TAMALIN: variants seen among roughly 807,000 people sequenced by gnomAD.
TAMALIN encodes the protein trafficking regulator and scaffold protein tamalin.
In TAMALIN, 9 loss-of-function variants were observed where a neutral mutation model predicts 38.5. The ratio of observed to expected loss-of-function variants is 0.23; its 90% CI spans 0.14 to 0.41. The LOEUF is 0.41. Among genes scored for constraint, TAMALIN ranks in the 10% least tolerant of loss-of-function variants. The pLI, the probability that TAMALIN is intolerant of heterozygous loss-of-function variation, is 1.00. For missense variants in TAMALIN, 548 were observed against 554.1 expected, an observed-to-expected ratio of 0.99 and a Z score of 0.11; for synonymous variants, 306 against 256.5, an observed-to-expected ratio of 1.19 and a Z score of -1.85.
At position 52,007,129 on chromosome 12, in the gene TAMALIN, C is replaced by A. The variant is rs1278575548; in HGVS notation, c.110C>A (p.Pro37Gln). 2 of 1,487,026 alleles carry A rather than the reference C, an allele frequency of 1.3e-6. No individual in the cohort carries two copies. Among genetic ancestry groups the A allele is most frequent in the Non-Finnish European group, 1.8e-6 (2 of 1,126,796 alleles). 92.1% of individuals were successfully genotyped at this position (1,487,026 alleles called of 1,614,324 possible). ...GAAGTCGCGCCCGCCGCTCCGGTCC[C>A]GACCCCGGGACCCCCTGCCGCAGCC... ...DSEVAPAAPV[P>Q]TPGPPAAAAT... Residue 37 changes from proline to glutamine, a missense_variant, in exon 1 of 8, where the codon CCG (proline) becomes CAG (glutamine). Physicochemically the swap from Pro to Gln is moderately conservative, Grantham distance 76. Coordinates refer to ENST00000293662, the MANE Select transcript of TAMALIN (RefSeq NM_181711.4). The surrounding 1 kb of genome is among the most constrained non-coding windows in gnomAD (Gnocchi z 6.7).
chr12:52,009,656 T>C (rs918468073), intron 2 of TAMALIN, among the ~76,000 whole-genome samples: 1 of 152,224 alleles, frequency 6.6e-6, no homozygotes, highest in East Asian at 1.9e-4. Flanking sequence ...TGGGGCTGGC[T>C]GCCCCTGCCT....
chr12:52,013,163 C>T (rs1287848759), intron 4 of TAMALIN, among the ~76,000 whole-genome samples: 1 of 149,444 alleles, frequency 6.7e-6, no homozygotes, highest in Non-Finnish European at 1.5e-5. Context: ...CTGCAAGCTC[C>T]GCCTCCCGGG....
rs1284364082 is a variant in TAMALIN at position 52,011,591 on chromosome 12, T to TA, written c.454+456dup. Among the ~76,000 whole-genome samples, 1 of 105,098 alleles carries TA rather than the reference T, an allele frequency of 9.5e-6. No homozygotes were observed. Among genetic ancestry groups the TA allele is most frequent in the Admixed American group, 1.2e-4 (1 of 8,680 alleles). The allele number at this position is 105,098 out of a possible 152,430, so 68.9% of individuals were successfully genotyped here. ...CTGAGGAACCGATGTTACTCCCTTT[T>TA]AAAAAATTAGAAACTTTTTTTTTTT... is the stretch of plus-strand genomic sequence containing the variant. On this transcript the variant is annotated intron_variant, in intron 4 of 7. Transcript: ENST00000293662. This position sits in a 1 kb window ranked among gnomAD's most constrained non-coding sequence, Gnocchi z 5.3.
In TAMALIN at chr12:52,006,987, C is replaced by A. The variant is rs753591758; in HGVS notation, c.-33C>A. The A allele has an allele frequency of 7.7e-5, 104 of 1,342,994 alleles. 1 individual carries two copies. The Middle Eastern group carries it at 8.3e-4, about 11-fold the overall frequency. The allele number at this position is 1,342,994 out of a possible 1,614,324, so 83.2% of individuals were successfully genotyped here. A position where few individuals can be genotyped will look rare whatever the true frequency, so the allele number is the denominator to read the frequency against. On this transcript the variant is annotated 5_prime_UTR_variant, in exon 1 of 8. Coordinates refer to ENST00000293662, the MANE Select transcript of TAMALIN (RefSeq NM_181711.4). The stretch of plus-strand genomic sequence containing the variant: ...CGCCAGCCCCGCCGAGGGGAGCCAG[C>A]GCCGTCTCTGAGGGGCGTCCGGCGC...
chr12:52,012,837 TC>T (rs755196976), intron 4 of TAMALIN, among the ~76,000 whole-genome samples: 37 of 152,216 alleles, frequency 2.4e-4, no homozygotes, highest in Admixed American at 1.1e-3. Context: ...AGCAGAACTA[TC>T]CCTCTGGGGG....
In TAMALIN at chr12:52,011,387, G is replaced by C. The variant is rs1431488572; in HGVS notation, c.454+246G>C. ...GCATCCAAACATCACAGTGCGGCAA[G>C]GGGATTCCCTGGGCACACTGCCAGG... On this transcript the variant is annotated intron_variant, in intron 4 of 7. Transcript: ENST00000293662. The surrounding 1 kb of genome is among the most constrained non-coding windows in gnomAD (Gnocchi z 5.3). 1 of 631,774 alleles carries C rather than the reference G, an allele frequency of 1.6e-6. No homozygotes were observed. The highest frequency in any genetic ancestry group is 2.8e-6 in the Non-Finnish European group (1 of 359,982). 39.1% of individuals were successfully genotyped at this position (631,774 alleles called of 1,614,324 possible).
In TAMALIN at chr12:52,015,130, C is replaced by T. The variant is rs1237822947; in HGVS notation, c.1119C>T (p.Phe373=). Reference sequence around the variant, plus strand: ...TGCGCAAAACCAAGTACCGCAGCTTCCGCCGGCGGCTGCTCAAGTTCATCC... The same window carrying T: ...TGCGCAAAACCAAGTACCGCAGCTTTCGCCGGCGGCTGCTCAAGTTCATCC... ...PGLRKTKYRS[F]RRRLLKFIPG... The change falls in exon 8 of 8, where the codon TTC becomes TTT. Residue 373 remains phenylalanine (F), a synonymous_variant. Coordinates refer to ENST00000293662, the MANE Select transcript of TAMALIN (RefSeq NM_181711.4). 2 of 1,590,640 alleles carry T rather than the reference C, an allele frequency of 1.3e-6. No individual in the cohort carries two copies. Among genetic ancestry groups the T allele is most frequent in the South Asian group, 1.1e-5 (1 of 89,914 alleles).
chr12:52,012,657 G>A (rs1275760629), intron 4 of TAMALIN, among the ~76,000 whole-genome samples: 2 of 152,222 alleles, frequency 1.3e-5, no homozygotes, highest in Non-Finnish European at 2.9e-5. Flanking sequence ...GGTAGCAGTA[G>A]CCAAGTGGTA....
At position 52,007,574 on chromosome 12, in the gene TAMALIN, CCT is replaced by C; in HGVS notation, c.246+311_246+312del. Reference sequence around the variant, plus strand: ...CTGGCTTTCTGCCCCCCATGCCCCGCCTCCCCGTGGCCAGGTGTCCTGGGTCC... The same window carrying C: ...CTGGCTTTCTGCCCCCCATGCCCCGCCCCCGTGGCCAGGTGTCCTGGGTCC... On this transcript the variant is annotated intron_variant, in intron 1 of 7. Coordinates refer to ENST00000293662, the MANE Select transcript of TAMALIN (RefSeq NM_181711.4). This position sits in a 1 kb window ranked among gnomAD's most constrained non-coding sequence, Gnocchi z 6.7. 1 of 983,824 alleles carries C rather than the reference CCT, an allele frequency of 1.0e-6. No homozygotes were observed. Among genetic ancestry groups the C allele is most frequent in the Non-Finnish European group, 1.2e-6 (1 of 828,512 alleles). 60.9% of individuals were successfully genotyped at this position (983,824 alleles called of 1,614,324 possible). A position where few individuals can be genotyped will look rare whatever the true frequency, so the allele number is the denominator to read the frequency against.
intron 7 of TAMALIN, 56 bp from the exon 8 acceptor site, chr12:52,014,638 A>G (rs1283166): frequency 0.56 from 743,974 of 1,333,550 alleles, 212,960 homozygotes; most frequent in African/African-American, 0.69. Flanking sequence ...GACCCTTTGC[A>G]GAGGCCACCA....
chr12:52,014,128 C>T lies in TAMALIN; in HGVS notation c.616-7C>T, dbSNP rs1363880796. The T allele has an allele frequency of 6.2e-7, 1 of 1,603,544 alleles. No individual in the cohort carries two copies. Among genetic ancestry groups the T allele is most frequent in the Non-Finnish European group, 8.5e-7 (1 of 1,174,688 alleles). On this transcript the variant is annotated splice_polypyrimidine_tract_variant and splice_region_variant and intron_variant, in intron 6 of 7. Coordinates refer to ENST00000293662, the MANE Select transcript of TAMALIN (RefSeq NM_181711.4). ...TGTGACAGTGGGGTGGGGACTGTCT[C>T]TTGCAGCAAACCCTGTATGAGAAGT...
In TAMALIN at chr12:52,007,475, C is replaced by T. The variant is rs1297012459; in HGVS notation, c.246+210C>T. 1.6e-5 allele frequency: 16 copies of T among 984,974 alleles called. No homozygotes were observed. The highest frequency in any genetic ancestry group is 1.8e-5 in the Non-Finnish European group (15 of 829,732). 61.0% of individuals were successfully genotyped at this position (984,974 alleles called of 1,614,324 possible). A position where few individuals can be genotyped will look rare whatever the true frequency, so the allele number is the denominator to read the frequency against. On this transcript the variant is annotated intron_variant, in intron 1 of 7. Transcript: ENST00000293662. This position sits in a 1 kb window ranked among gnomAD's most constrained non-coding sequence, Gnocchi z 6.7. ...CGCGCCCAGGCTCGGTGGCTCTTAACTCCGCGCCCCATGCACGCCCCCTCT... is the reference window on the plus strand; with the variant it reads ...CGCGCCCAGGCTCGGTGGCTCTTAATTCCGCGCCCCATGCACGCCCCCTCT...
chr12:52,007,511 G>A lies in TAMALIN; in HGVS notation c.246+246G>A, dbSNP rs1942433654. 8 of 983,594 alleles carry A rather than the reference G, an allele frequency of 8.1e-6. No individual in the cohort carries two copies. The highest frequency in any genetic ancestry group is 9.7e-6 in the Non-Finnish European group (8 of 828,888). The allele number at this position is 983,594 out of a possible 1,614,324, so 60.9% of individuals were successfully genotyped here. On this transcript the variant is annotated intron_variant, in intron 1 of 7. Transcript: ENST00000293662. The surrounding 1 kb of genome is among the most constrained non-coding windows in gnomAD (Gnocchi z 6.7). ...ATGCACGCCCCCTCTCTCCCTCCTTGACTCCTCCCAGCACCCCCCTTCTCC... is the reference window on the plus strand; with the variant it reads ...ATGCACGCCCCCTCTCTCCCTCCTTAACTCCTCCCAGCACCCCCCTTCTCC...
Position 52,015,118 on chromosome 12 carries a change from G to T in TAMALIN, c.1107G>T (p.Lys369Asn). ...ALCGPGLRKT[K>N]YRSFRRRLLK... The stretch of plus-strand genomic sequence containing the variant: ...GCGGCCCCGGCCTGCGCAAAACCAA[G>T]TACCGCAGCTTCCGCCGGCGGCTGC... The change falls in exon 8 of 8, where the codon AAG (lysine) becomes AAT (asparagine). Residue 369 changes from lysine (K) to asparagine (N), a missense_variant. Around this residue, in one of 3 missense-constraint regions of TAMALIN, gnomAD observed 415 missense variants for 417.0 expected, o/e 1.00. Coordinates refer to ENST00000293662, the MANE Select transcript of TAMALIN (RefSeq NM_181711.4). The T allele has an allele frequency of 1.9e-6, 3 of 1,585,790 alleles. No individual in the cohort carries two copies. The highest frequency in any genetic ancestry group is 2.6e-6 in the Non-Finnish European group (3 of 1,174,198).
chr12:52,013,608 C>T (rs1424860417), intron 4 of TAMALIN, 79 bp from the exon 5 acceptor site: 4 of 1,220,668 alleles, frequency 3.3e-6, no homozygotes, highest in Non-Finnish European at 4.8e-6. Context: ...CCACCCTTCT[C>T]CCCTTTCTGG....
At position 52,007,136 on chromosome 12, in the gene TAMALIN, G is replaced by C. The variant is rs891390430; in HGVS notation, c.117G>C (p.Pro39=). The change falls in exon 1 of 8, where the codon CCG becomes CCC. Residue 39 remains proline (P), a synonymous_variant. Coordinates refer to ENST00000293662, the MANE Select transcript of TAMALIN (RefSeq NM_181711.4). The surrounding 1 kb of genome is among the most constrained non-coding windows in gnomAD (Gnocchi z 6.7). ...EVAPAAPVPT[P]GPPAAAATPG... is the part of the protein sequence containing the mutation. ...CGCCCGCCGCTCCGGTCCCGACCCCGGGACCCCCTGCCGCAGCCGCCACCC... is the reference window on the plus strand; with the variant it reads ...CGCCCGCCGCTCCGGTCCCGACCCCCGGACCCCCTGCCGCAGCCGCCACCC... 1.3e-5 allele frequency: 20 copies of C among 1,486,216 alleles called. No individual in the cohort carries two copies. Among genetic ancestry groups the C allele is most frequent in the Non-Finnish European group, 1.8e-5 (20 of 1,126,404 alleles). 92.1% of individuals were successfully genotyped at this position (1,486,216 alleles called of 1,614,324 possible).
In TAMALIN at chr12:52,009,235, C is replaced by A. The variant is rs758886333; in HGVS notation, c.292C>A (p.Gln98Lys). The stretch of plus-strand genomic sequence containing the variant: ...GAATCTCAGCCAGAGTCCTGAACAG[C>A]AGCGGTGAGTCACCAACACCCAGCC... ...WKNLSQSPEQQRKVLTLEKED... is the reference protein window; with the variant it reads ...WKNLSQSPEQKRKVLTLEKED... Residue 98 changes from glutamine to lysine, a missense_variant, in exon 2 of 8, where the codon CAG becomes AAG. By Grantham distance (53) the Gln-to-Lys change is moderately conservative. Transcript: ENST00000293662. 6.2e-7 allele frequency: 1 copy of A among 1,613,930 alleles called. No individual in the cohort carries two copies. Among genetic ancestry groups the A allele is most frequent in the East Asian group, 2.2e-5 (1 of 44,888 alleles).
chr12:52,013,999 C>A, intron 6 of TAMALIN, 56 bp downstream of exon 6: 1 of 1,583,566 alleles, frequency 6.3e-7, no homozygotes, highest in South Asian at 1.1e-5. Context: ...AGCCTCTGCC[C>A]TGTGGGGGGT....
intron 2 of TAMALIN, 69 bp downstream of exon 2, chr12:52,009,308 A>G (rs1482525707): frequency 2.8e-6 from 4 of 1,449,584 alleles, no homozygotes; most frequent in Non-Finnish European, 3.9e-6. Flanking sequence ...GGGTGCCAGG[A>G]CAGCATCTCA....
Sources: allele counts gnomAD v4.1 joint callset (sites outside exome capture counted in the v4.1 genomes callset), GRCh38; gene constraint gnomAD v4.1.1; regional missense constraint gnomAD v4.1.1; non-coding constraint Gnocchi (gnomAD v3.1); transcripts MANE v1.5; gene names NCBI Gene and HGNC (gene_info 2026-07-23, HGNC 2026-07-21).